The following PTPRK variants were observed in gnomAD, a reference collection of about 807,000 sequenced individuals.
PTPRK encodes protein tyrosine phosphatase receptor type K, also known as receptor-type tyrosine-protein phosphatase kappa.
In PTPRK, 75 loss-of-function variants were observed where a neutral mutation model predicts 178.0. That is an observed-to-expected ratio of 0.42 (90% CI 0.35 to 0.51). The LOEUF is 0.51. Among genes scored for constraint, PTPRK ranks in the 20% least tolerant of loss-of-function variants. The probability of loss-of-function intolerance (pLI) is 0.02; values close to 1 mark genes in which losing one functional copy is unlikely to be tolerated. For missense variants in PTPRK, 1,441 were observed against 1,797.8 expected, an observed-to-expected ratio of 0.80 and a Z score of 3.59; for synonymous variants, 637 against 620.6, an observed-to-expected ratio of 1.03 and a Z score of -0.39.
intron 2 of PTPRK, among the ~76,000 whole-genome samples, chr6:128,376,216 G>T (rs1241382399): frequency 6.6e-6 from 1 of 152,160 alleles, no homozygotes; most frequent in Non-Finnish European, 1.5e-5. Flanking sequence ...TCTCCATGAG[G>T]GCCCCACCCC....
intron 3 of PTPRK, among the ~76,000 whole-genome samples, chr6:128,245,251 C>T (rs1815244624): frequency 6.7e-6 from 1 of 149,504 alleles, no homozygotes; most frequent in Admixed American, 6.6e-5. Flanking sequence ...AACTTTACTA[C>T]ATTGCTTCTC....
chr6:128,230,799 TA>T (rs1193046592), intron 5 of PTPRK: 3 of 152,086 alleles, frequency 2.0e-5, no homozygotes, highest in African/African-American at 7.2e-5. Flanking sequence ...GAAAGAGAAG[TA>T]AATTATTTCT....
chr6:128,437,310 C>G (rs1287823482), intron 1 of PTPRK, among the ~76,000 whole-genome samples: 2 of 152,128 alleles, frequency 1.3e-5, no homozygotes, highest in Non-Finnish European at 2.9e-5. Context: ...AATCACAAAC[C>G]ATCATAAAAG....
chr6:128,171,989 T>G (rs1052530773), intron 7 of PTPRK, among the ~76,000 whole-genome samples: 1 of 151,972 alleles, frequency 6.6e-6, no homozygotes, highest in African/African-American at 2.4e-5. Flanking sequence ...ATCAACCAAC[T>G]CTGGAGAATG....
chr6:128,435,186 T>G (rs1845433154), intron 1 of PTPRK, among the ~76,000 whole-genome samples: 1 of 151,960 alleles, frequency 6.6e-6, no homozygotes, highest in Non-Finnish European at 1.5e-5. Context: ...TAGATATTCC[T>G]CACATGTGAG....
chr6:128,417,208 A>G (rs1842950237), intron 1 of PTPRK, among the ~76,000 whole-genome samples: 1 of 152,056 alleles, frequency 6.6e-6, no homozygotes, highest in Non-Finnish European at 1.5e-5. Context: ...ATTAGTTTTA[A>G]CAAGTGGTCA....
At chr6:128,311,754 C>A (rs1827275423) in intron 3 of PTPRK, among the ~76,000 whole-genome samples, 1 of 152,090 alleles carries the variant, frequency 6.6e-6, no homozygotes, top group South Asian at 2.1e-4. Flanking sequence ...CCTGCCTCAG[C>A]CTCTCAAGTA....
chr6:128,236,343 CTTT>C (rs35553541), intron 5 of PTPRK, among the ~76,000 whole-genome samples: 3 of 108,082 alleles, frequency 2.8e-5, no homozygotes, highest in African/African-American at 7.0e-5. Context: ...TTCTAAATTT[CTTT>C]TTTTTTTTTT....
At chr6:128,202,983 T>TGAA (rs1806246465) in intron 6 of PTPRK, among the ~76,000 whole-genome samples, 1 of 152,134 alleles carries the variant, frequency 6.6e-6, no homozygotes, top group Admixed American at 6.5e-5. Flanking sequence ...ACATCCTTAA[T>TGAA]GAACATCTAT....
At position 128,492,631 on chromosome 6, in the gene PTPRK, G is replaced by A. The variant is rs747812161; in HGVS notation, c.100+27628C>T. Among the ~76,000 whole-genome samples, 10 of 152,194 alleles carry A rather than the reference G, an allele frequency of 6.6e-5. No homozygotes were observed. In the South Asian group the frequency reaches 1.2e-3, roughly 19 times the overall value. Reference sequence around the variant, plus strand: ...TATTTAATAAGTAAATACACTTGCCGCAGCACCTGGCATGAGGACAAGTTC... The same window carrying A: ...TATTTAATAAGTAAATACACTTGCCACAGCACCTGGCATGAGGACAAGTTC... On this transcript the variant is annotated intron_variant, in intron 1 of 29. Coordinates refer to ENST00000368226, the MANE Select transcript of PTPRK (RefSeq NM_002844.4).
At chr6:128,040,204 A>C (rs1428435584) in intron 13 of PTPRK, among the ~76,000 whole-genome samples, 3 of 152,154 alleles carry the variant, frequency 2.0e-5, no homozygotes, top group Non-Finnish European at 4.4e-5. Flanking sequence ...TAGACCACCA[A>C]CAATGAGCCA....
At chr6:128,191,654 A>G (rs1253574255) in intron 6 of PTPRK, among the ~76,000 whole-genome samples, 1 of 152,190 alleles carries the variant, frequency 6.6e-6, no homozygotes, top group Admixed American at 6.5e-5. Context: ...TACATATACC[A>G]AAAGACCACA....
intron 6 of PTPRK, among the ~76,000 whole-genome samples, chr6:128,187,675 C>G (rs1007314773): frequency 1.3e-5 from 2 of 152,150 alleles, no homozygotes; most frequent in African/African-American, 4.8e-5. Context: ...TAGTAGTTCA[C>G]TCTGGCCAGT....
At chr6:128,336,209 T>TG (rs1830908625) in intron 2 of PTPRK, among the ~76,000 whole-genome samples, 1 of 152,136 alleles carries the variant, frequency 6.6e-6, no homozygotes, top group African/African-American at 2.4e-5. Flanking sequence ...TTTTGTTTTT[T>TG]TTTGTTTGTT....
At chr6:128,390,376 A>G (rs1839387031) in intron 2 of PTPRK, among the ~76,000 whole-genome samples, 1 of 152,170 alleles carries the variant, frequency 6.6e-6, no homozygotes, top group Non-Finnish European at 1.5e-5. Context: ...TGAGAATATC[A>G]TAGAGAAAAT....
At chr6:128,092,965 G>C (rs1787240110) in intron 7 of PTPRK, among the ~76,000 whole-genome samples, 1 of 152,172 alleles carries the variant, frequency 6.6e-6, no homozygotes, top group African/African-American at 2.4e-5. Context: ...GGCCATAAGA[G>C]CTACTATAAG....
At chr6:128,137,030 CCTAT>C (rs1795114980) in intron 7 of PTPRK, among the ~76,000 whole-genome samples, 1 of 152,164 alleles carries the variant, frequency 6.6e-6, no homozygotes, top group Non-Finnish European at 1.5e-5. Context: ...CTAGCCTCTT[CCTAT>C]CTGTTTTGCT....
At chr6:128,212,289 A>G (rs1808340914) in intron 6 of PTPRK, among the ~76,000 whole-genome samples, 1 of 151,962 alleles carries the variant, frequency 6.6e-6, no homozygotes, top group South Asian at 2.1e-4. Flanking sequence ...GCACTTGCCT[A>G]TTACCTCATT....
intron 3 of PTPRK, 131 bp downstream of exon 3, chr6:128,321,908 C>T: frequency 8.3e-7 from 1 of 1,202,050 alleles, no homozygotes; most frequent in Non-Finnish European, 1.2e-6. Context: ...GACACTTCCC[C>T]AATAATGGGG....
Sources: gnomAD v4.1 joint callset for allele counts (sites outside exome capture counted in the v4.1 genomes callset) on GRCh38, gnomAD v4.1.1 for gene constraint, MANE v1.5 for transcripts, NCBI Gene and HGNC (gene_info 2026-07-23, HGNC 2026-07-21) for gene names.